The following TRHDE variants were observed in gnomAD, a reference collection of about 807,000 sequenced individuals.
TRHDE encodes the protein thyrotropin releasing hormone degrading enzyme, also known as thyrotropin-releasing hormone-degrading ectoenzyme.
Under a neutral mutation model 125.7 loss-of-function variants are expected in TRHDE, and 72 were observed. The observed-to-expected ratio is 0.57, with a 90% confidence interval of 0.47 to 0.70. TRHDE has a LOEUF of 0.70. Ranked by LOEUF, TRHDE falls within the 30% of genes least tolerant of loss-of-function variation. The pLI, the probability that TRHDE is intolerant of heterozygous loss-of-function variation, is 0.00. For missense variants in TRHDE, 1,110 were observed against 1,327.1 expected, an observed-to-expected ratio of 0.84 and a Z score of 2.54; for synonymous variants, 509 against 509.1, an observed-to-expected ratio of 1.00 and a Z score of 0.00.
intron 12 of TRHDE, among the ~76,000 whole-genome samples, chr12:72,597,689 AG>A (rs1872005410): frequency 9.1e-6 from 1 of 109,778 alleles, no homozygotes; most frequent in Admixed American, 9.0e-5. Context: ...AAACTAAGAG[AG>A]GTATATATAT....
chr12:72,490,286 T>C (rs1877604919), intron 5 of TRHDE, among the ~76,000 whole-genome samples: 1 of 151,780 alleles, frequency 6.6e-6, no homozygotes, highest in African/African-American at 2.4e-5. Context: ...GAGATACCAC[T>C]GCATACCTGC....
At chr12:72,198,895 TGAA>T (rs1262950857) in intron 2 of TRHDE, among the ~76,000 whole-genome samples, 1 of 149,594 alleles carries the variant, frequency 6.7e-6, no homozygotes, top group Non-Finnish European at 1.5e-5. Context: ...TGGCAGAAGG[TGAA>T]GGGGGAGCAG....
chr12:72,299,732 G>A (rs1435569256), intron 2 of TRHDE, among the ~76,000 whole-genome samples: 1 of 152,074 alleles, frequency 6.6e-6, no homozygotes, highest in Non-Finnish European at 1.5e-5. Context: ...TGTCCTCTTT[G>A]GGCTTAGCAT....
intron 3 of TRHDE, among the ~76,000 whole-genome samples, chr12:72,391,551 C>T (rs1158804165): frequency 6.6e-6 from 1 of 151,932 alleles, no homozygotes; most frequent in East Asian, 1.9e-4. Context: ...CACAAATGAC[C>T]TAGAATGTGT....
chr12:72,360,733 C>T (rs1401559055), intron 2 of TRHDE, among the ~76,000 whole-genome samples: 1 of 151,552 alleles, frequency 6.6e-6, no homozygotes, highest in Admixed American at 6.6e-5. Context: ...TTGTGAAAGC[C>T]AATACTTCAT....
intron 16 of TRHDE, 106 bp from the exon 17 acceptor site, chr12:72,652,910 C>A: frequency 1.2e-6 from 1 of 848,490 alleles, no homozygotes; most frequent in Non-Finnish European, 1.8e-6. Flanking sequence ...TTGCACTAGA[C>A]TATTCTTTTG....
At chr12:72,202,737 AC>A (rs1565661496) in intron 2 of TRHDE, among the ~76,000 whole-genome samples, 1 of 152,234 alleles carries the variant, frequency 6.6e-6, no homozygotes, top group Non-Finnish European at 1.5e-5. Flanking sequence ...AGCAGTCCTG[AC>A]ATGCAATTCG....
chr12:72,234,501 G>A (rs1224164856), intron 2 of TRHDE, among the ~76,000 whole-genome samples: 2 of 151,972 alleles, frequency 1.3e-5, no homozygotes, highest in Non-Finnish European at 2.9e-5. Context: ...GTGATCTGAG[G>A]GCTCTTTTTG....
chr12:72,348,330 G>A (rs528867076), intron 2 of TRHDE, among the ~76,000 whole-genome samples: 6 of 151,700 alleles, frequency 4.0e-5, no homozygotes, highest in East Asian at 2.0e-4. Flanking sequence ...TTTAATTCTC[G>A]GTGAGTGCAT....
intron 2 of TRHDE, among the ~76,000 whole-genome samples, chr12:72,251,363 T>G (rs759684562): frequency 2.0e-5 from 3 of 151,516 alleles, no homozygotes; most frequent in Non-Finnish European, 4.4e-5. Context: ...TGTAATTTTA[T>G]CATTTAATAA....
At chr12:72,400,807 A>G (rs1873010808) in intron 3 of TRHDE, among the ~76,000 whole-genome samples, 1 of 152,120 alleles carries the variant, frequency 6.6e-6, no homozygotes, top group South Asian at 2.1e-4. Flanking sequence ...TGCGTGTTGA[A>G]TAATGTTCTC....
chr12:72,195,059 C>T (rs12422956), intron 2 of TRHDE, among the ~76,000 whole-genome samples: 2 of 152,048 alleles, frequency 1.3e-5, no homozygotes, highest in Admixed American at 1.3e-4. Context: ...TGTCCTTCTT[C>T]ACATGGCAAC....
At position 72,272,462 on chromosome 12, in the gene TRHDE, T is replaced by G; in HGVS notation, c.-182T>G. 77 of 472,844 alleles carry G rather than the reference T, an allele frequency of 1.6e-4. No individual in the cohort carries two copies. Among genetic ancestry groups the G allele is most frequent in the East Asian group, 4.3e-4 (11 of 25,690 alleles). The allele number at this position is 472,844 out of a possible 1,614,324, so 29.3% of individuals were successfully genotyped here. On this transcript the variant is annotated 5_prime_UTR_variant, in exon 1 of 19. It removes an upstream start codon present in the reference 5' UTR. Transcript: ENST00000261180. This position sits in a 1 kb window ranked among gnomAD's most constrained non-coding sequence, Gnocchi z 6.7. ...GGTGTCCAGAGTGAGGCGGGGCTGA[T>G]GGGGGTCGCGGAAGCTGCCGTCGCT...
chr12:72,585,401 C>T (rs1329748034), intron 12 of TRHDE, among the ~76,000 whole-genome samples: 1 of 152,132 alleles, frequency 6.6e-6, no homozygotes. Flanking sequence ...TTTGTTCGGT[C>T]CCTTTCCTAC....
At chr12:72,574,448 G>C (rs1870894683) in intron 10 of TRHDE, among the ~76,000 whole-genome samples, 1 of 152,028 alleles carries the variant, frequency 6.6e-6, no homozygotes, top group Non-Finnish European at 1.5e-5. Flanking sequence ...CATGAGACCT[G>C]AAAATCAACA....
At chr12:72,557,447 T>G (rs1192320704) in intron 7 of TRHDE, among the ~76,000 whole-genome samples, 3 of 152,188 alleles carry the variant, frequency 2.0e-5, no homozygotes, top group Non-Finnish European at 4.4e-5. Flanking sequence ...GTTTATTACT[T>G]GCAGCTAAAC....
At chr12:72,521,090 A>G (rs1443646887) in intron 6 of TRHDE, among the ~76,000 whole-genome samples, 1 of 152,198 alleles carries the variant, frequency 6.6e-6, no homozygotes, top group Non-Finnish European at 1.5e-5. Flanking sequence ...TTGCCTGATC[A>G]TATAGTCAAG....
Position 72,273,523 on chromosome 12 carries a change from T to A in TRHDE, c.880T>A (p.Phe294Ile). 2 of 1,606,126 alleles carry A rather than the reference T, an allele frequency of 1.2e-6. No homozygotes were observed. Among genetic ancestry groups the A allele is most frequent in the South Asian group, 2.2e-5 (2 of 91,074 alleles). Reference protein sequence around the residue: ...ALIENELLGFFRSSYVLHGER... With the variant: ...ALIENELLGFIRSSYVLHGER... ...CATCGAGAATGAGCTCCTGGGCTTC[T>A]TCCGCAGCTCCTATGTGCTCCACGG... Residue 294 changes from phenylalanine to isoleucine, a missense_variant, in exon 1 of 19, where the codon TTC becomes ATC. Phe to Ile is a conservative substitution (Grantham distance 21). This residue lies in a region of TRHDE where 252 missense variants were observed against 274.8 expected (regional missense o/e 0.92). Coordinates refer to ENST00000261180, the MANE Select transcript of TRHDE (RefSeq NM_013381.3). The surrounding 1 kb of genome is among the most constrained non-coding windows in gnomAD (Gnocchi z 5.3).
chr12:72,513,505 A>G (rs929819055), intron 6 of TRHDE, among the ~76,000 whole-genome samples: 1 of 152,168 alleles, frequency 6.6e-6, no homozygotes, highest in African/African-American at 2.4e-5. Flanking sequence ...AAAATTATCT[A>G]GAGACTACAT....
Sources: gnomAD v4.1 joint callset for allele counts (sites outside exome capture counted in the v4.1 genomes callset) on GRCh38, gnomAD v4.1.1 for gene constraint, gnomAD v4.1.1 regional missense constraint, Gnocchi (gnomAD v3.1) non-coding constraint, MANE v1.5 for transcripts, NCBI Gene and HGNC (gene_info 2026-07-23, HGNC 2026-07-21) for gene names.